The following UVRAG variants were observed in gnomAD, a reference collection of about 807,000 sequenced individuals.
UVRAG encodes UV radiation resistance associated.
In UVRAG, 19 loss-of-function variants were observed where a neutral mutation model predicts 78.0. The ratio of observed to expected loss-of-function variants is 0.24; its 90% confidence interval spans 0.17 to 0.36. The LOEUF (loss-of-function observed/expected upper bound fraction) is 0.36, where lower values mean the gene tolerates loss of function less well. Ranked by LOEUF, UVRAG falls within the 10% of genes least tolerant of loss-of-function variation. The pLI, the probability that UVRAG is intolerant of heterozygous loss-of-function variation, is 1.00. For synonymous variants in UVRAG, 323 were observed against 324.6 expected (o/e 1.00, Z 0.05); for missense variants, 740 against 853.8 (o/e 0.87, Z 1.66).
At chr11:75,906,400 G>A (rs1467381414) in intron 5 of UVRAG, among the ~76,000 whole-genome samples, 6 of 152,078 alleles carry the variant, frequency 3.9e-5, no homozygotes, top group African/African-American at 1.2e-4. Flanking sequence ...AGGCTGGAGT[G>A]CAGTGGCGTG....
At chr11:75,894,833 A>C (rs1190238436) in intron 5 of UVRAG, among the ~76,000 whole-genome samples, 1 of 150,814 alleles carries the variant, frequency 6.6e-6, no homozygotes, top group Non-Finnish European at 1.5e-5. Context: ...GATGGAAAGC[A>C]GAGATTATAG....
At chr11:76,070,346 A>G (rs1951278335) in intron 13 of UVRAG, among the ~76,000 whole-genome samples, 1 of 152,178 alleles carries the variant, frequency 6.6e-6, no homozygotes, top group Non-Finnish European at 1.5e-5. Context: ...ACAAATTTGC[A>G]GTTAGATAGG....
rs11312309 is a variant in UVRAG at position 76,103,537 on chromosome 11, G to GTT, written c.1306-12370_1306-12369dup. On this transcript the variant is annotated intron_variant, in intron 13 of 14. Transcript: ENST00000356136. ...CACTTGAAAGGTCATTGCTGTTTTG[G>GTT]TTTTTTTTTTTTTTTTTTGAAGCTA... 4.0e-3 allele frequency among the ~76,000 whole-genome samples: 525 copies of GTT among 132,192 alleles called. 2 individuals are homozygous for GTT. Among genetic ancestry groups the GTT allele is most frequent in the Non-Finnish European group, 5.2e-3 (316 of 61,316 alleles). 86.7% of individuals were successfully genotyped at this position (132,192 alleles called of 152,430 possible).
At chr11:75,817,627 A>T (rs540868061) in intron 1 of UVRAG, among the ~76,000 whole-genome samples, 1 of 152,166 alleles carries the variant, frequency 6.6e-6, no homozygotes, top group South Asian at 2.1e-4. Context: ...TTAGTGTATA[A>T]ATAATATCAA....
chr11:76,069,227 A>G (rs1951254848), intron 13 of UVRAG, among the ~76,000 whole-genome samples: 1 of 152,222 alleles, frequency 6.6e-6, no homozygotes, highest in South Asian at 2.1e-4. Context: ...GAAATCCTCA[A>G]GTGTTGTTTG....
At chr11:75,883,679 T>G (rs1947006743) in intron 4 of UVRAG, among the ~76,000 whole-genome samples, 1 of 152,210 alleles carries the variant, frequency 6.6e-6, no homozygotes, top group Non-Finnish European at 1.5e-5. Context: ...TACTGATGAT[T>G]GATGAATACC....
At chr11:75,990,309 G>A (rs1949580357) in intron 8 of UVRAG, among the ~76,000 whole-genome samples, 1 of 152,106 alleles carries the variant, frequency 6.6e-6, no homozygotes, top group African/African-American at 2.4e-5. Flanking sequence ...TCTACAATGG[G>A]GTTAATAGTA....
intron 13 of UVRAG, among the ~76,000 whole-genome samples, chr11:76,076,257 C>CT (rs1951402525): frequency 6.6e-6 from 1 of 152,164 alleles, no homozygotes; most frequent in Non-Finnish European, 1.5e-5. Flanking sequence ...CTAATAAAGA[C>CT]ATAGCCATGA....
rs140606337 is a variant in UVRAG at position 75,822,000 on chromosome 11, A to G, written c.117+6476A>G. Among the ~76,000 whole-genome samples, 823 of 143,600 alleles carry G rather than the reference A, an allele frequency of 5.7e-3. 6 individuals are homozygous for G. Among genetic ancestry groups the G allele is most frequent in the Non-Finnish European group, 7.4e-3 (493 of 67,028 alleles). 94.2% of individuals were successfully genotyped at this position (143,600 alleles called of 152,430 possible). Reference sequence around the variant, plus strand: ...GCTCTTGTTGCCCAGGCTGGAGTGCAATGGCACAATGTCAGCTCACTGCAA... The same window carrying G: ...GCTCTTGTTGCCCAGGCTGGAGTGCGATGGCACAATGTCAGCTCACTGCAA... On this transcript the variant is annotated intron_variant, in intron 1 of 14. Transcript: ENST00000356136.
At position 76,116,031 on chromosome 11, in the gene UVRAG, T is replaced by TCTGATAACCAGAAA; in HGVS notation, c.1397+20_1397+33dup. On this transcript the variant is annotated intron_variant, in intron 14 of 14. Coordinates refer to ENST00000356136, the MANE Select transcript of UVRAG (RefSeq NM_003369.4). ...TGGTCAGGTGGTGAGTACCTTTATCTCTGATAACCAGAAACTGTAATGTGG... is the reference window on the plus strand; with the variant it reads ...TGGTCAGGTGGTGAGTACCTTTATCTCTGATAACCAGAAACTGATAACCAGAAACTGTAATGTGG... The TCTGATAACCAGAAA allele has an allele frequency of 6.2e-7, 1 of 1,608,574 alleles. No homozygotes were observed. The highest frequency in any genetic ancestry group is 8.5e-7 in the Non-Finnish European group (1 of 1,175,226).
At position 75,852,005 on chromosome 11, in the gene UVRAG, G is replaced by A. The variant is rs1180997703; in HGVS notation, c.235+5G>A. 6.4e-7 allele frequency: 1 copy of A among 1,564,434 alleles called. No individual in the cohort carries two copies. Among genetic ancestry groups the A allele is most frequent in the Admixed American group, 1.9e-5 (1 of 53,184 alleles). On this transcript the variant is annotated splice_donor_5th_base_variant and intron_variant, in intron 2 of 14. Coordinates refer to ENST00000356136, the MANE Select transcript of UVRAG (RefSeq NM_003369.4). ...GTACTGAAAAGATATATAAAGGTAA[G>A]GGGATCTGTGGCCTTACTACCCACA... is the stretch of plus-strand genomic sequence containing the variant.
intron 14 of UVRAG, among the ~76,000 whole-genome samples, chr11:76,118,893 T>C (rs1051232486): frequency 6.6e-6 from 1 of 152,230 alleles, no homozygotes; most frequent in Non-Finnish European, 1.5e-5. Context: ...ACAGTTCATA[T>C]AAGATAGGAG....
At chr11:75,889,025 A>T in intron 5 of UVRAG, 122 bp downstream of exon 5, 1 of 772,498 alleles carries the variant, frequency 1.3e-6, no homozygotes. Context: ...TTTGTTGCTT[A>T]GTGTGGCTTA....
chr11:75,831,486 C>T, intron 1 of UVRAG, among the ~76,000 whole-genome samples: 1 of 138,922 alleles, frequency 7.2e-6, no homozygotes, highest in Non-Finnish European at 1.5e-5. Context: ...GAAACTCCTT[C>T]TCAAAAAACA....
At chr11:75,832,396 G>C (rs995005486) in intron 1 of UVRAG, among the ~76,000 whole-genome samples, 1 of 152,164 alleles carries the variant, frequency 6.6e-6, no homozygotes, top group Non-Finnish European at 1.5e-5. Context: ...TCAGTAATTT[G>C]TTAGAATGGC....
Position 75,865,071 on chromosome 11 carries a change from T to G in UVRAG, c.270+3291T>G, listed in dbSNP as rs1054935839. 4.6e-5 allele frequency among the ~76,000 whole-genome samples: 7 copies of G among 152,254 alleles called. No homozygotes were observed. In the South Asian group the frequency reaches 8.3e-4, roughly 18 times the overall value. On this transcript the variant is annotated intron_variant, in intron 3 of 14. Transcript: ENST00000356136. ...GGGAGGCTGAGGCGGGCGGATCATC[T>G]GAGGTCAGAAGTTTGAGACCAGCCT...
At chr11:75,909,343 G>A (rs754220107) in intron 5 of UVRAG, among the ~76,000 whole-genome samples, 1 of 152,072 alleles carries the variant, frequency 6.6e-6, no homozygotes, top group South Asian at 2.1e-4. Flanking sequence ...AATTAACTGG[G>A]TATGGTGTTG....
intron 11 of UVRAG, among the ~76,000 whole-genome samples, chr11:76,015,340 T>A (rs549117359): frequency 2.7e-4 from 41 of 152,170 alleles, no homozygotes; most frequent in East Asian, 1.2e-3. Context: ...CATCTTTTTT[T>A]AAAAAATAAT....
At chr11:76,087,615 A>G (rs1011855893) in intron 13 of UVRAG, among the ~76,000 whole-genome samples, 5 of 152,186 alleles carry the variant, frequency 3.3e-5, no homozygotes, top group African/African-American at 1.2e-4. Context: ...AATTAAACAA[A>G]TTGCCCTTGT....
Sources: gnomAD v4.1 joint callset for allele counts (sites outside exome capture counted in the v4.1 genomes callset) on GRCh38, gnomAD v4.1.1 for gene constraint, MANE v1.5 for transcripts, NCBI Gene and HGNC (gene_info 2026-07-23, HGNC 2026-07-21) for gene names.